The following KAZN variants were observed in gnomAD, a reference collection of about 807,000 sequenced individuals.
KAZN encodes the protein kazrin, periplakin interacting protein.
Under a neutral mutation model 87.4 loss-of-function variants are expected in KAZN, and 40 were observed. The ratio of observed to expected loss-of-function variants is 0.46; its 90% CI spans 0.36 to 0.60. The LOEUF is 0.60. Ranked by LOEUF, KAZN falls within the 20% of genes least tolerant of loss-of-function variation. The pLI is 0.00. For missense variants in KAZN, 898 were observed against 1,073.9 expected (o/e 0.84, Z 2.29); for synonymous variants, 466 against 458.3 (o/e 1.02, Z -0.22).
chr1:14,514,344 T>G (rs74379615), intron 2 of KAZN, among the ~76,000 whole-genome samples: 1 of 19,642 alleles, frequency 5.1e-5, no homozygotes, highest in East Asian at 7.0e-4. Flanking sequence ...ATATATATAT[T>G]TATATATATT....
At chr1:13,983,923 C>G (rs928340606) in intron 1 of KAZN, among the ~76,000 whole-genome samples, 3 of 152,142 alleles carry the variant, frequency 2.0e-5, no homozygotes, top group African/African-American at 7.2e-5. Context: ...TCTTATACTT[C>G]TCAACTTAAG....
intron 1 of KAZN, among the ~76,000 whole-genome samples, chr1:14,681,646 TATATATATATA>T (rs1350987820): frequency 3.4e-4 from 5 of 14,576 alleles, no homozygotes; most frequent in Admixed American, 1.2e-3. Context: ...TATATATATA[TATATATATATA>T]TTTTTTTTTT....
At position 14,923,894 on chromosome 1, in the gene KAZN, T is replaced by G. The variant is rs1658825965; in HGVS notation, c.227-36790T>G. Among the ~76,000 whole-genome samples, 1 of 152,066 alleles carries G rather than the reference T, an allele frequency of 6.6e-6. No individual in the cohort carries two copies. The highest frequency in any genetic ancestry group is 1.5e-5 in the Non-Finnish European group (1 of 67,982). On this transcript the variant is annotated intron_variant, in intron 1 of 14. Transcript: ENST00000376030. The surrounding 1 kb of genome is among the most constrained non-coding windows in gnomAD (Gnocchi z 4.2). ...TTCAAAGACCGGGGCTCGAGTTCCG[T>G]CACAGCCACCCCTGTGACATCGGCC...
intron 2 of KAZN, among the ~76,000 whole-genome samples, chr1:14,183,058 G>A (rs1646231044): frequency 1.3e-5 from 2 of 152,160 alleles, no homozygotes; most frequent in Non-Finnish European, 2.9e-5. Flanking sequence ...CAGCTTGCAA[G>A]TCGAATGAAG....
chr1:14,934,371 T>A (rs1660202725), intron 1 of KAZN, among the ~76,000 whole-genome samples: 2 of 150,502 alleles, frequency 1.3e-5, no homozygotes, highest in Non-Finnish European at 3.0e-5. Flanking sequence ...CACGCCCGGC[T>A]AATTTTTGTA....
intron 2 of KAZN, among the ~76,000 whole-genome samples, chr1:14,495,786 T>G (rs1669909552): frequency 6.6e-6 from 1 of 152,120 alleles, no homozygotes; most frequent in Non-Finnish European, 1.5e-5. Flanking sequence ...GAGGAGGGCT[T>G]CTCGAAAATG....
intron 1 of KAZN, among the ~76,000 whole-genome samples, chr1:14,669,463 G>T (rs988019388): frequency 1.3e-5 from 2 of 152,202 alleles, no homozygotes; most frequent in Admixed American, 1.3e-4. Flanking sequence ...AGAACCAAGA[G>T]CTGGGCGCGG....
intron 1 of KAZN, among the ~76,000 whole-genome samples, chr1:14,062,230 T>C (rs1382577000): frequency 6.6e-6 from 1 of 152,168 alleles, no homozygotes; most frequent in Middle Eastern, 3.2e-3. Context: ...AGCATGTTTC[T>C]GAGTATGACA....
chr1:14,865,796 A>G (rs1429863470), intron 1 of KAZN, among the ~76,000 whole-genome samples: 3 of 152,194 alleles, frequency 2.0e-5, no homozygotes, highest in Non-Finnish European at 4.4e-5. Flanking sequence ...GTGAGCCCTA[A>G]TCCCAAGGTC....
At chr1:14,892,677 T>C (rs1051660104) in intron 1 of KAZN, among the ~76,000 whole-genome samples, 4 of 152,190 alleles carry the variant, frequency 2.6e-5, no homozygotes, top group African/African-American at 9.7e-5. Flanking sequence ...CCACCACCCC[T>C]GCCCATGGCT....
At chr1:14,939,426 T>A (rs1375370690) in intron 1 of KAZN, among the ~76,000 whole-genome samples, 1 of 151,932 alleles carries the variant, frequency 6.6e-6, no homozygotes, top group Admixed American at 6.6e-5. Context: ...CACACCACCA[T>A]GCCTGGCTAA....
At chr1:14,122,015 C>A (rs891395219) in intron 1 of KAZN, among the ~76,000 whole-genome samples, 10 of 152,098 alleles carry the variant, frequency 6.6e-5, no homozygotes, top group Admixed American at 3.9e-4. Context: ...AGAAGTAATT[C>A]CTGATCTCAG....
At chr1:14,649,883 GAATGACATTAGAGGGAAGA>G (rs1638241150) in intron 1 of KAZN, among the ~76,000 whole-genome samples, 1 of 152,072 alleles carries the variant, frequency 6.6e-6, no homozygotes, top group Non-Finnish European at 1.5e-5. Context: ...TGCGTTGGTG[GAATGACATTAGAGGGAAGA>G]AAGTAAAGGT....
At chr1:14,780,876 C>T (rs1446841556) in intron 1 of KAZN, among the ~76,000 whole-genome samples, 3 of 152,110 alleles carry the variant, frequency 2.0e-5, no homozygotes, top group Admixed American at 2.0e-4. Flanking sequence ...TATTTTTTAT[C>T]TTGACTTAGA....
rs567639611 is a variant in KAZN, at chr1:15,104,296, T to C, written c.2048+107T>C. Reference sequence around the variant, plus strand: ...CCATCCTGGCCCATCACTTACTGCCTCCCACTCGTTCTTTGCACCATGGTG... The same window carrying C: ...CCATCCTGGCCCATCACTTACTGCCCCCCACTCGTTCTTTGCACCATGGTG... On this transcript the variant is annotated intron_variant, in intron 13 of 14. Coordinates refer to ENST00000376030, the MANE Select transcript of KAZN (RefSeq NM_201628.3). The C allele has an allele frequency of 2.7e-5, 31 of 1,137,814 alleles. 1 individual carries two copies. The Admixed American group carries it at 4.9e-4, about 18-fold the overall frequency. The allele number at this position is 1,137,814 out of a possible 1,614,324, so 70.5% of individuals were successfully genotyped here.
At chr1:14,022,054 A>AT (rs1202832147) in intron 1 of KAZN, among the ~76,000 whole-genome samples, 5 of 142,154 alleles carry the variant, frequency 3.5e-5, no homozygotes, top group African/African-American at 1.3e-4. Flanking sequence ...CGGATTACCC[A>AT]TGCCGTCCCG....
At chr1:15,007,252 G>A (rs6429700) in intron 2 of KAZN, among the ~76,000 whole-genome samples, 122,873 of 151,932 alleles carry the variant, frequency 0.81, 50,650 homozygotes, top group East Asian at 1. Flanking sequence ...GGCAGTCCTC[G>A]GGAACCAGAG....
At position 14,352,073 on chromosome 1, in the gene KAZN, T is replaced by G. The variant is rs185874098; in HGVS notation, c.249+171481T>G. 1.5e-3 allele frequency among the ~76,000 whole-genome samples: 232 copies of G among 152,330 alleles called. 2 individuals carry two copies. Among genetic ancestry groups the G allele is most frequent in the African/African-American group, 5.1e-3 (212 of 41,570 alleles). The stretch of plus-strand genomic sequence containing the variant: ...CGTGTTTATTTCTCTATTGCAGTTA[T>G]CTCTTGTAAGTTGAAGCTGCAACAT... On this transcript the variant is annotated intron_variant, in intron 2 of 16. Transcript: ENST00000636203.
At chr1:13,898,350 G>C (rs1049354887) in intron 1 of KAZN, among the ~76,000 whole-genome samples, 1 of 152,298 alleles carries the variant, frequency 6.6e-6, no homozygotes, top group East Asian at 1.9e-4. Context: ...CAGTCTATTG[G>C]TTGGGTGACC....
Sources: gnomAD v4.1 joint callset for allele counts (sites outside exome capture counted in the v4.1 genomes callset) on GRCh38, gnomAD v4.1.1 for gene constraint, Gnocchi (gnomAD v3.1) non-coding constraint, MANE v1.5 for transcripts, NCBI Gene and HGNC (gene_info 2026-07-23, HGNC 2026-07-21) for gene names.